Variants in GNG4 observed in about 807,000 individuals in gnomAD.
GNG4 encodes G protein subunit gamma 4.
A neutral mutation model predicts 5.8 loss-of-function variants in GNG4; 4 were observed. The ratio of observed to expected loss-of-function variants is 0.69; its 90% CI spans 0.34 to 1.57. GNG4 has a LOEUF of 1.57. GNG4 is among the 40% of genes most tolerant of loss of function. GNG4 has a pLI of 0.06. For synonymous variants in GNG4, 29 were observed against 32.9 expected (o/e 0.88, Z 0.41); for missense variants, 96 against 95.1 (o/e 1.01, Z -0.04).
intron 1 of GNG4, among the ~76,000 whole-genome samples, chr1:235,632,350 G>A (rs1400382082): frequency 6.6e-6 from 1 of 152,156 alleles, no homozygotes; most frequent in Non-Finnish European, 1.5e-5. Context: ...GCCTCCCAAA[G>A]TGCTGGGATT....
At chr1:235,619,558 G>A (rs1233018937) in intron 1 of GNG4, among the ~76,000 whole-genome samples, 1 of 152,204 alleles carries the variant, frequency 6.6e-6, no homozygotes, top group African/African-American at 2.4e-5. Context: ...AGAATAGGCT[G>A]AAGAGGGAGG....
Position 235,642,512 on chromosome 1 carries a change from G to A in GNG4, c.-123+7150C>T, listed in dbSNP as rs1467282557. Among the ~76,000 whole-genome samples the A allele has an allele frequency of 6.6e-6, 1 of 152,062 alleles. No homozygotes were observed. The highest frequency in any genetic ancestry group is 1.5e-5 in the Non-Finnish European group (1 of 68,016). ...CAAAGAAATCATAAACAAGAGGCAG[G>A]ATGCAACTGCTTCAACGCAGAAAGA... is the stretch of plus-strand genomic sequence containing the variant. On this transcript the variant is annotated intron_variant, in intron 1 of 3. Transcript: ENST00000391854. This position sits in a 1 kb window ranked among gnomAD's most constrained non-coding sequence, Gnocchi z 4.3.
chr1:235,616,801 C>T (rs112106624), intron 1 of GNG4, among the ~76,000 whole-genome samples: 6 of 152,154 alleles, frequency 3.9e-5, no homozygotes, highest in Non-Finnish European at 7.4e-5. Flanking sequence ...TGCAGTGGCA[C>T]GATGTCAGCT....
intron 1 of GNG4, among the ~76,000 whole-genome samples, chr1:235,641,902 A>G (rs1429585676): frequency 1.3e-5 from 2 of 152,044 alleles, no homozygotes; most frequent in Admixed American, 6.6e-5. Context: ...TGCACTTACT[A>G]TATCTTAAAT....
chr1:235,562,753 T>A (rs1687101627), intron 3 of GNG4, among the ~76,000 whole-genome samples: 2 of 152,048 alleles, frequency 1.3e-5, no homozygotes, highest in South Asian at 4.2e-4. Context: ...GAAAAACTGC[T>A]ATTTTAACTA....
At chr1:235,573,287 G>A (rs1407797914) in intron 3 of GNG4, among the ~76,000 whole-genome samples, 1 of 141,426 alleles carries the variant, frequency 7.1e-6, no homozygotes, top group Non-Finnish European at 1.5e-5. Flanking sequence ...TATCGCTTGG[G>A]CACAGGATAG....
At chr1:235,586,697 G>A (rs1380683680) in intron 2 of GNG4, among the ~76,000 whole-genome samples, 1 of 152,114 alleles carries the variant, frequency 6.6e-6, no homozygotes, top group African/African-American at 2.4e-5. Flanking sequence ...CCTTCCTGCT[G>A]TCTCTCTTGC....
intron 1 of GNG4, among the ~76,000 whole-genome samples, chr1:235,601,805 C>G (rs1005424399): frequency 1.3e-5 from 2 of 152,100 alleles, no homozygotes; most frequent in African/African-American, 4.8e-5. Flanking sequence ...TTGGGGACCT[C>G]TGAGCTCTTT....
At chr1:235,614,021 C>G (rs1688535124) in intron 1 of GNG4, among the ~76,000 whole-genome samples, 1 of 152,200 alleles carries the variant, frequency 6.6e-6, no homozygotes, top group African/African-American at 2.4e-5. Flanking sequence ...TCATATTACC[C>G]AGGCTGGTGT....
At chr1:235,591,523 C>T (rs1687963210) in intron 2 of GNG4, among the ~76,000 whole-genome samples, 1 of 152,210 alleles carries the variant, frequency 6.6e-6, no homozygotes, top group African/African-American at 2.4e-5. Flanking sequence ...TTAGGCTCCA[C>T]CTGAATAACG....
chr1:235,593,438 G>C (rs771915229), intron 2 of GNG4, among the ~76,000 whole-genome samples: 8 of 152,170 alleles, frequency 5.3e-5, no homozygotes, highest in Admixed American at 4.6e-4. Flanking sequence ...CCCCAACTAC[G>C]ACTTCTGTCC....
Position 235,583,744 on chromosome 1 carries a change from A to T in GNG4, c.95T>A (p.Val32Asp). 1 of 1,605,678 alleles carries T rather than the reference A, an allele frequency of 6.2e-7. No individual in the cohort carries two copies. Among genetic ancestry groups the T allele is most frequent in the Non-Finnish European group, 8.5e-7 (1 of 1,172,526 alleles). Residue 32 changes from valine (V) to aspartate (D), a missense_variant, in exon 3 of 4, where the codon GTC becomes GAC. Coordinates refer to ENST00000391854, the MANE Select transcript of GNG4 (RefSeq NM_001098722.2). The part of the protein sequence containing the change: ...QLKMEACMDR[V>D]KVSQAAADLL... Reference sequence around the variant, plus strand: ...GGCTGACGCATGCATGCTTACCTTGACCCTGTCCATACAGGCTTCCATCTT... The same window carrying T: ...GGCTGACGCATGCATGCTTACCTTGTCCCTGTCCATACAGGCTTCCATCTT...
chr1:235,592,947 ATT>A (rs57491492), intron 2 of GNG4, among the ~76,000 whole-genome samples: 58,286 of 135,982 alleles, frequency 0.43, 12,406 homozygotes, highest in East Asian at 0.85. Flanking sequence ...GCTCTGTAAC[ATT>A]TTTTTTTTTT....
intron 3 of GNG4, among the ~76,000 whole-genome samples, chr1:235,572,751 C>T (rs923657762): frequency 2.0e-5 from 3 of 149,830 alleles, no homozygotes; most frequent in African/African-American, 7.4e-5. Context: ...CTACCCACCT[C>T]GGCCTCCCAA....
At chr1:235,582,278 C>T (rs1045625780) in intron 3 of GNG4, among the ~76,000 whole-genome samples, 16 of 152,360 alleles carry the variant, frequency 1.1e-4, no homozygotes, top group Admixed American at 7.2e-4. Context: ...CTGTGGCTTC[C>T]GCACCTGTGT....
rs1686618454 is a variant in GNG4, at chr1:235,547,753, G to C, written c.*4356C>G. 1 of 152,106 alleles carries C rather than the reference G, an allele frequency of 6.6e-6. No individual in the cohort carries two copies. The highest frequency in any genetic ancestry group is 2.4e-5 in the African/African-American group (1 of 41,418). The allele number at this position is 152,106 out of a possible 1,614,324, so 9.4% of individuals were successfully genotyped here. A position where few individuals can be genotyped will look rare whatever the true frequency, so the allele number is the denominator to read the frequency against. On this transcript the variant is annotated 3_prime_UTR_variant, in exon 4 of 4. Coordinates refer to ENST00000391854, the MANE Select transcript of GNG4 (RefSeq NM_001098722.2). ...ACACAGAAAAGTGCCCAGATCAAAA[G>C]TGTACAGCTCCAAGAATGTTCACAA...
chr1:235,602,149 A>G (rs544606505), intron 1 of GNG4, among the ~76,000 whole-genome samples: 19 of 152,274 alleles, frequency 1.2e-4, no homozygotes, highest in African/African-American at 3.6e-4. Context: ...GCAGGTGCCT[A>G]TAATTCCAGC....
chr1:235,613,226 T>A (rs1013568151), intron 1 of GNG4, among the ~76,000 whole-genome samples: 1 of 152,158 alleles, frequency 6.6e-6, no homozygotes, highest in Non-Finnish European at 1.5e-5. Context: ...TCCCAGTCCA[T>A]ATGTAATTCA....
intron 1 of GNG4, among the ~76,000 whole-genome samples, chr1:235,608,591 T>C (rs924995902): frequency 1.3e-5 from 2 of 152,326 alleles, no homozygotes; most frequent in South Asian, 2.1e-4. Context: ...GATTTACCCA[T>C]TCTGGACATT....
Sources: gnomAD v4.1 joint callset for allele counts (sites outside exome capture counted in the v4.1 genomes callset) on GRCh38, gnomAD v4.1.1 for gene constraint, Gnocchi (gnomAD v3.1) non-coding constraint, MANE v1.5 for transcripts, NCBI Gene and HGNC (gene_info 2026-07-23, HGNC 2026-07-21) for gene names.